The following VAV2 variants were observed in gnomAD, a reference collection of about 807,000 sequenced individuals.
VAV2 encodes the protein vav guanine nucleotide exchange factor 2.
A neutral mutation model predicts 132.5 loss-of-function variants in VAV2; 67 were observed. The ratio of observed to expected loss-of-function variants is 0.51; its 90% confidence interval spans 0.42 to 0.62. VAV2 has a LOEUF of 0.62. Ranked by LOEUF, VAV2 falls within the 20% of genes least tolerant of loss-of-function variation. The probability of loss-of-function intolerance (pLI) is 0.00; values close to 1 mark genes in which losing one functional copy is unlikely to be tolerated. For synonymous variants in VAV2, 492 were observed against 443.5 expected, an observed-to-expected ratio of 1.11 and a Z score of -1.37; for missense variants, 938 against 1,153.6, an observed-to-expected ratio of 0.81 and a Z score of 2.71.
rs1376384336 is a variant in VAV2, at chr9:133,934,656, T to C, written c.321+4447A>G. On this transcript the variant is annotated intron_variant, in intron 2 of 29. Transcript: ENST00000371850. ...TCTCCAAGACTTGCCCCACAGGTTCTCAGGCCTTTGGCCTTAGACTGAAGA... is the reference window on the plus strand; with the variant it reads ...TCTCCAAGACTTGCCCCACAGGTTCCCAGGCCTTTGGCCTTAGACTGAAGA... 4.6e-5 allele frequency among the ~76,000 whole-genome samples: 7 copies of C among 152,380 alleles called. No homozygotes were observed. The East Asian group carries it at 1.3e-3, about 29-fold the overall frequency.
chr9:133,769,459 G>C lies in VAV2; in HGVS notation c.2392C>G (p.Leu798Val). 1 of 1,613,306 alleles carries C rather than the reference G, an allele frequency of 6.2e-7. No individual in the cohort carries two copies. The highest frequency in any genetic ancestry group is 8.5e-7 in the Non-Finnish European group (1 of 1,179,602). ...YNFSFLSPQG[L>V]SFASQGPSAP... Reference sequence around the variant, plus strand: ...GAGGGGCCCTGAGAAGCAAAGCTGAGGCCCTGAGGACTGAGAAAAGAAAAG... The same window carrying C: ...GAGGGGCCCTGAGAAGCAAAGCTGACGCCCTGAGGACTGAGAAAAGAAAAG... The change falls in exon 28 of 30, where the codon CTC becomes GTC. Residue 798 changes from leucine (L) to valine (V), a missense_variant. Physicochemically the swap from Leu to Val is conservative, Grantham distance 32 (BLOSUM62 1). Coordinates refer to ENST00000371850, the MANE Select transcript of VAV2 (RefSeq NM_001134398.2). The surrounding 1 kb of genome is among the most constrained non-coding windows in gnomAD (Gnocchi z 8.1).
intron 9 of VAV2, among the ~76,000 whole-genome samples, chr9:133,799,227 CA>C (rs1834838057): frequency 7.9e-5 from 12 of 152,208 alleles, no homozygotes; most frequent in Admixed American, 6.5e-4. Flanking sequence ...GGAGCTGGCT[CA>C]GGCACAGGGA....
chr9:133,838,236 C>A (rs1836548700), intron 3 of VAV2, among the ~76,000 whole-genome samples: 2 of 151,842 alleles, frequency 1.3e-5, no homozygotes, highest in South Asian at 4.2e-4. Context: ...GTGCTAGCAT[C>A]CTTCAGGGCT....
Position 133,919,964 on chromosome 9 carries a change from C to T in VAV2, c.321+19139G>A, listed in dbSNP as rs1840235295. ...CAGTCCTGCTCTGCCAGGCCCCAGG[C>T]ATCAGTCAGCACCTGTTCTCTGCGC... On this transcript the variant is annotated intron_variant, in intron 2 of 29. Coordinates refer to ENST00000371850, the MANE Select transcript of VAV2 (RefSeq NM_001134398.2). This position sits in a 1 kb window ranked among gnomAD's most constrained non-coding sequence, Gnocchi z 5.8. Among the ~76,000 whole-genome samples the T allele has an allele frequency of 6.6e-6, 1 of 152,244 alleles. No individual in the cohort carries two copies. The highest frequency in any genetic ancestry group is 1.5e-5 in the Non-Finnish European group (1 of 68,050).
At chr9:133,838,180 C>T (rs1836546746) in intron 3 of VAV2, among the ~76,000 whole-genome samples, 1 of 152,002 alleles carries the variant, frequency 6.6e-6, no homozygotes, top group Non-Finnish European at 1.5e-5. Context: ...TTTGTACCTG[C>T]TCTGCTCTCT....
At chr9:133,930,785 A>C (rs375260455) in intron 2 of VAV2, among the ~76,000 whole-genome samples, 2 of 152,176 alleles carry the variant, frequency 1.3e-5, no homozygotes, top group Admixed American at 6.5e-5. Flanking sequence ...GGGCAGCAGG[A>C]GAGGCCGGCA....
intron 1 of VAV2, among the ~76,000 whole-genome samples, chr9:133,973,742 G>A (rs1842417813): frequency 6.6e-6 from 1 of 152,146 alleles, no homozygotes. Context: ...CATTGCCAGT[G>A]TGTGGCTACC....
intron 13 of VAV2, among the ~76,000 whole-genome samples, chr9:133,789,645 C>T (rs938682949): frequency 5.9e-5 from 9 of 152,132 alleles, no homozygotes; most frequent in East Asian, 1.9e-4. Flanking sequence ...TCACAGAGGC[C>T]GCCGCTGTGT....
intron 9 of VAV2, among the ~76,000 whole-genome samples, chr9:133,805,363 C>T (rs758397827): frequency 1.3e-5 from 2 of 152,146 alleles, no homozygotes; most frequent in African/African-American, 4.8e-5. Flanking sequence ...TAGACCCCTT[C>T]GGGCTCCTCC....
intron 1 of VAV2, among the ~76,000 whole-genome samples, chr9:133,943,948 C>A (rs1841267183): frequency 6.6e-6 from 1 of 152,250 alleles, no homozygotes; most frequent in African/African-American, 2.4e-5. Flanking sequence ...CACTGTCCTT[C>A]AGCTCTTGCA....
chr9:133,858,491 C>T (rs1837470505), intron 3 of VAV2, among the ~76,000 whole-genome samples: 1 of 151,936 alleles, frequency 6.6e-6, no homozygotes, highest in South Asian at 2.1e-4. Flanking sequence ...ACCCCGGGGC[C>T]TTTTCCATTT....
intron 2 of VAV2, among the ~76,000 whole-genome samples, chr9:133,886,062 G>A (rs774814287): frequency 2.6e-5 from 4 of 152,182 alleles, no homozygotes; most frequent in Admixed American, 6.5e-5. Flanking sequence ...AGGCCCAGCC[G>A]GGCCCAGAGC....
intron 2 of VAV2, among the ~76,000 whole-genome samples, chr9:133,888,189 G>A (rs991472052): frequency 6.6e-6 from 1 of 152,228 alleles, no homozygotes; most frequent in Admixed American, 6.5e-5. Context: ...GCAGAAGTGG[G>A]GAGCCAGGGG....
At chr9:133,781,526 G>C (rs1242636675) in intron 19 of VAV2, among the ~76,000 whole-genome samples, 6 of 152,182 alleles carry the variant, frequency 3.9e-5, no homozygotes, top group Admixed American at 3.9e-4. Context: ...GACTGTGCCT[G>C]ATGGGGGCTT....
At chr9:133,820,493 T>A in intron 4 of VAV2, among the ~76,000 whole-genome samples, 1 of 152,018 alleles carries the variant, frequency 6.6e-6, no homozygotes. Flanking sequence ...CCGGCTAATT[T>A]TTTTTGTATT....
intron 2 of VAV2, among the ~76,000 whole-genome samples, chr9:133,873,164 C>T (rs1305910011): frequency 2.0e-5 from 3 of 152,074 alleles, no homozygotes; most frequent in Non-Finnish European, 4.4e-5. Context: ...CAACTGGGCT[C>T]ACATGTTAGC....
At position 133,776,036 on chromosome 9, in the gene VAV2, T is replaced by C. The variant is rs768966176; in HGVS notation, c.2010A>G (p.Ala670=). The change falls in exon 24 of 30, where the codon GCA becomes GCG. Residue 670 remains alanine, a synonymous_variant. Transcript: ENST00000371850. Reference sequence around the variant, plus strand: ...GCCCACGATCCACTCACCAGGGGTATGCAGTGTAGTCGATCTCCCGGGATG... The same window carrying C: ...GCCCACGATCCACTCACCAGGGGTACGCAGTGTAGTCGATCTCCCGGGATG... ...RPPSREIDYT[A]YPWFAGNMER... 6.8e-6 allele frequency: 11 copies of C among 1,612,706 alleles called. No individual in the cohort carries two copies. In the Admixed American group the frequency reaches 1.7e-4, roughly 24 times the overall value.
chr9:133,779,852 C>T, intron 21 of VAV2, 66 bp downstream of exon 21: 7 of 1,585,988 alleles, frequency 4.4e-6, no homozygotes, highest in Non-Finnish European at 6.0e-6. Flanking sequence ...CACCTAGGCC[C>T]TGGCTCAGCT....
chr9:133,978,108 G>C (rs571500239), intron 1 of VAV2, among the ~76,000 whole-genome samples: 1 of 152,270 alleles, frequency 6.6e-6, no homozygotes, highest in Non-Finnish European at 1.5e-5. Context: ...GGAGCGGGGA[G>C]GCACACGGTG....
Sources: allele counts gnomAD v4.1 joint callset (sites outside exome capture counted in the v4.1 genomes callset), GRCh38; gene constraint gnomAD v4.1.1; non-coding constraint Gnocchi (gnomAD v3.1); transcripts MANE v1.5; gene names NCBI Gene and HGNC (gene_info 2026-07-23, HGNC 2026-07-21).